Variants in NEDD8 observed in about 807,000 individuals in gnomAD.
The protein encoded by NEDD8 is ubiquitin-like protein NEDD8.
Under a neutral mutation model 13.8 loss-of-function variants are expected in NEDD8, and 1 was observed. That is an observed-to-expected ratio of 0.07 (90% CI 0.03 to 0.34). The LOEUF is 0.34. NEDD8 is among the 10% of genes least tolerant of loss of function. NEDD8 has a pLI of 0.99. For synonymous variants in NEDD8, 31 were observed against 33.2 expected (o/e 0.93, Z 0.23); for missense variants, 10 against 95.2 (o/e 0.10, Z 3.73).
chr14:24,221,329 T>G (rs901037356), intron 1 of NEDD8, among the ~76,000 whole-genome samples: 6 of 151,274 alleles, frequency 4.0e-5, no homozygotes, highest in Admixed American at 3.3e-4. Context: ...CTCACCCGGA[T>G]GGAGTGCAAT....
Position 24,217,084 on chromosome 14 carries a change from CT to C in NEDD8, c.*42del. The C allele has an allele frequency of 6.6e-7, 1 of 1,514,282 alleles. No individual in the cohort carries two copies. 93.8% of individuals were successfully genotyped at this position (1,514,282 alleles called of 1,614,324 possible). A position where few individuals can be genotyped will look rare whatever the true frequency, so the allele number is the denominator to read the frequency against. ...CAGAGAGTGAGAGGATATATGATGC[CT>C]CATTATGAGCGACAGGGTAAAGAGG... On this transcript the variant is annotated 3_prime_UTR_variant, in exon 4 of 4. Transcript: ENST00000250495.
At chr14:24,232,164 C>T (rs546124537) in intron 1 of NEDD8, 86 bp downstream of exon 1, 2 of 1,601,026 alleles carry the variant, frequency 1.2e-6, no homozygotes, top group Admixed American at 1.7e-5. Flanking sequence ...TAGGGAAAGG[C>T]GTGGTTTTCC....
chr14:24,218,306 A>G, intron 2 of NEDD8, 78 bp downstream of exon 2: 1 of 1,614,036 alleles, frequency 6.2e-7, no homozygotes, highest in African/African-American at 1.3e-5. Context: ...CATGAGAGCA[A>G]AAGGACCAAG....
intron 1 of NEDD8, chr14:24,231,921 G>A (rs2040039664): frequency 6.0e-6 from 2 of 331,134 alleles, no homozygotes; most frequent in African/African-American, 2.1e-5. Flanking sequence ...AGAGACGGGG[G>A]AGTCAAGCCG....
In NEDD8 at chr14:24,226,141, C is replaced by T. The variant is rs529900412; in HGVS notation, c.18+6109G>A. On this transcript the variant is annotated intron_variant, in intron 1 of 3. Transcript: ENST00000250495. ...AGCCCTGCCAACAATCTTTATCAAG[C>T]GAAGATGTACAACCAAGAAACAATT... 2.2e-4 allele frequency among the ~76,000 whole-genome samples: 33 copies of T among 151,560 alleles called. No homozygotes were observed. The South Asian group carries it at 4.2e-3, about 19-fold the overall frequency.
chr14:24,218,481 G>T (rs1341332798), intron 1 of NEDD8, 50 bp from the exon 2 acceptor site: 15 of 1,613,852 alleles, frequency 9.3e-6, no homozygotes, highest in Non-Finnish European at 1.2e-5. Context: ...TGTACAATTT[G>T]TCTTCTAGGT....
At chr14:24,230,861 A>G (rs1297675931) in intron 1 of NEDD8, among the ~76,000 whole-genome samples, 1 of 151,548 alleles carries the variant, frequency 6.6e-6, no homozygotes, top group East Asian at 1.9e-4. Flanking sequence ...TAGGTGATCC[A>G]CCCACCTCGG....
At chr14:24,218,103 G>T (rs376538049) in intron 3 of NEDD8, 30 bp downstream of exon 3, 12 of 1,613,208 alleles carry the variant, frequency 7.4e-6, no homozygotes, top group African/African-American at 1.3e-5. Flanking sequence ...ACATAAGATC[G>T]CCATGCTGTC....
intron 1 of NEDD8, chr14:24,228,210 A>G (rs1333927889): frequency 6.6e-6 from 1 of 151,976 alleles, no homozygotes; most frequent in African/African-American, 2.4e-5. Context: ...CCTGGCAAAC[A>G]TGGCGAAACC....
chr14:24,217,511 A>G (rs1266634096), intron 3 of NEDD8, among the ~76,000 whole-genome samples: 2 of 152,132 alleles, frequency 1.3e-5, no homozygotes, highest in Non-Finnish European at 2.9e-5. Flanking sequence ...GCTGGTCTCG[A>G]ACTCCTGACC....
At chr14:24,221,462 T>C (rs573190976) in intron 1 of NEDD8, among the ~76,000 whole-genome samples, 10 of 152,022 alleles carry the variant, frequency 6.6e-5, no homozygotes, top group East Asian at 3.9e-4. Flanking sequence ...GTATTTTTAG[T>C]AGAGATGGGG....
intron 1 of NEDD8, 79 bp from the exon 2 acceptor site, chr14:24,218,510 C>A (rs1738815268): frequency 6.2e-7 from 1 of 1,601,996 alleles, no homozygotes; most frequent in African/African-American, 1.3e-5. Flanking sequence ...CTATGTTGGT[C>A]TTTGGGATCT....
intron 1 of NEDD8, among the ~76,000 whole-genome samples, chr14:24,221,366 C>T (rs980759658): frequency 1.3e-5 from 2 of 151,114 alleles, no homozygotes; most frequent in Admixed American, 1.3e-4. Context: ...ACCGCAGCCT[C>T]GACATACTGG....
chr14:24,226,166 T>C (rs2039887292), intron 1 of NEDD8, among the ~76,000 whole-genome samples: 1 of 151,296 alleles, frequency 6.6e-6, no homozygotes, highest in African/African-American at 2.4e-5. Flanking sequence ...AAGAAACAAT[T>C]AGACATAAAA....
At chr14:24,220,402 GC>G (rs2039786645) in intron 1 of NEDD8, among the ~76,000 whole-genome samples, 1 of 152,104 alleles carries the variant, frequency 6.6e-6, no homozygotes, top group East Asian at 1.9e-4. Flanking sequence ...GCTCACTGCA[GC>G]CTTGACCTCC....
intron 1 of NEDD8, among the ~76,000 whole-genome samples, chr14:24,224,360 G>A (rs890151109): frequency 2.0e-5 from 3 of 152,204 alleles, no homozygotes; most frequent in East Asian, 1.9e-4. Flanking sequence ...CACCATGCCC[G>A]GCCTGAAAAT....
chr14:24,223,829 G>A (rs1284597569), intron 1 of NEDD8, among the ~76,000 whole-genome samples: 1 of 151,982 alleles, frequency 6.6e-6, no homozygotes, highest in Non-Finnish European at 1.5e-5. Flanking sequence ...CCGCCTCCCA[G>A]GCTCAAGCAA....
intron 1 of NEDD8, among the ~76,000 whole-genome samples, chr14:24,224,392 C>G (rs775737828): frequency 6.6e-6 from 1 of 152,120 alleles, no homozygotes; most frequent in East Asian, 1.9e-4. Flanking sequence ...GATGGGGTCT[C>G]GAAATGTTGT....
intron 1 of NEDD8, among the ~76,000 whole-genome samples, chr14:24,231,075 C>G (rs1172289547): frequency 6.6e-6 from 1 of 151,776 alleles, no homozygotes; most frequent in Non-Finnish European, 1.5e-5. Context: ...ATTTATTGTA[C>G]AGGCAGGGTT....
Sources: gnomAD v4.1 joint callset for allele counts (sites outside exome capture counted in the v4.1 genomes callset) on GRCh38, gnomAD v4.1.1 for gene constraint, MANE v1.5 for transcripts, NCBI Gene and HGNC (gene_info 2026-07-23, HGNC 2026-07-21) for gene names.